Variants in DUSP29 observed in about 807,000 individuals in gnomAD.
The protein encoded by DUSP29 is dual specificity phosphatase 29.
A neutral mutation model predicts 13.5 loss-of-function variants in DUSP29; 12 were observed. That is an observed-to-expected ratio of 0.89 (90% CI 0.57 to 1.44). The LOEUF (loss-of-function observed/expected upper bound fraction) is 1.44, where lower values mean the gene tolerates loss of function less well. Ranked by LOEUF, DUSP29 falls within the 40% of genes most tolerant of loss-of-function variation. DUSP29 has a pLI of 0.00. For missense variants in DUSP29, 308 were observed against 301.1 expected (o/e 1.02, Z -0.17); for synonymous variants, 134 against 128.7 (o/e 1.04, Z -0.28).
intron 2 of DUSP29, among the ~76,000 whole-genome samples, chr10:75,046,253 G>T (rs1211164479): frequency 6.6e-6 from 1 of 152,222 alleles, no homozygotes; most frequent in Non-Finnish European, 1.5e-5. Context: ...ATACAATCTG[G>T]GTTTAAGAAG....
intron 1 of DUSP29, among the ~76,000 whole-genome samples, chr10:75,063,293 G>A (rs1336033364): frequency 6.6e-6 from 1 of 152,100 alleles, no homozygotes; most frequent in African/African-American, 2.4e-5. Flanking sequence ...TGCTATTCTT[G>A]CCCTGTTACA....
chr10:75,047,721 TTAAA>T (rs933952628), intron 2 of DUSP29, among the ~76,000 whole-genome samples: 1 of 152,212 alleles, frequency 6.6e-6, no homozygotes, highest in Non-Finnish European at 1.5e-5. Flanking sequence ...TGTTCAATTT[TTAAA>T]TAATATGTCG....
chr10:75,056,559 C>T, intron 2 of DUSP29, among the ~76,000 whole-genome samples: 2 of 151,188 alleles, frequency 1.3e-5, no homozygotes, highest in East Asian at 3.9e-4. Context: ...CCCAGCTACT[C>T]AGGAGGCTGA....
intron 2 of DUSP29, among the ~76,000 whole-genome samples, chr10:75,052,585 G>C (rs1389964660): frequency 6.6e-6 from 1 of 152,156 alleles, no homozygotes; most frequent in African/African-American, 2.4e-5. Context: ...GGGATTACAG[G>C]CGTGAGCCAA....
At chr10:75,056,882 C>A (rs1194739561) in intron 2 of DUSP29, among the ~76,000 whole-genome samples, 1 of 152,002 alleles carries the variant, frequency 6.6e-6, no homozygotes, top group African/African-American at 2.4e-5. Flanking sequence ...GTAACTTTTT[C>A]AATTTAAAAA....
chr10:75,053,967 C>T (rs1454494435), intron 2 of DUSP29, among the ~76,000 whole-genome samples: 2 of 152,154 alleles, frequency 1.3e-5, no homozygotes, highest in Non-Finnish European at 2.9e-5. Flanking sequence ...TAGCACAAGG[C>T]ATGACACCTA....
rs541600241 is a variant in DUSP29 at position 75,059,394 on chromosome 10, G to A, written c.-34-846C>T. On this transcript the variant is annotated intron_variant, in intron 1 of 3. Transcript: ENST00000338487. ...ATGCACCTATGGTCAGCCTGGGAAA[G>A]GAGACTGGAGAGAAGGAGGAAAAGG... Among the ~76,000 whole-genome samples the A allele has an allele frequency of 2.6e-5, 4 of 152,340 alleles. No individual in the cohort carries two copies. The South Asian group carries it at 8.3e-4, about 32-fold the overall frequency.
chr10:75,055,288 ACT>A (rs1349001520), intron 2 of DUSP29, among the ~76,000 whole-genome samples: 1 of 151,584 alleles, frequency 6.6e-6, no homozygotes. Context: ...CATTATTGCT[ACT>A]CTTATTTCTG....
chr10:75,038,699 T>C (rs1262839476), intron 3 of DUSP29, among the ~76,000 whole-genome samples: 1 of 69,528 alleles, frequency 1.4e-5, no homozygotes, highest in African/African-American at 5.8e-5. Context: ...GAGAAAGAGT[T>C]GGAAGGGAGA....
At chr10:75,069,083 T>C (rs1358597741) in intron 1 of DUSP29, among the ~76,000 whole-genome samples, 2 of 152,220 alleles carry the variant, frequency 1.3e-5, no homozygotes, top group Non-Finnish European at 2.9e-5. Flanking sequence ...AGTAATTTAA[T>C]ATTCCTTCTC....
chr10:75,043,914 G>T lies in DUSP29; in HGVS notation c.304C>A (p.Arg102Ser). Residue 102 changes from arginine (R) to serine (S), a missense_variant, in exon 3 of 4, where the codon CGC becomes AGC. Physicochemically the swap from Arg to Ser is moderately radical, Grantham distance 110. Coordinates refer to ENST00000338487, the MANE Select transcript of DUSP29 (RefSeq NM_001003892.3). ...CCGTGGTACTGGATGTCCATGTCGC[G>T]GTAGTAGTCGGGCCCAGTGTCCACG... is the stretch of plus-strand genomic sequence containing the variant. ...WNVDTGPDYY[R>S]DMDIQYHGVE... The T allele has an allele frequency of 6.2e-7, 1 of 1,613,968 alleles. No individual in the cohort carries two copies. Among genetic ancestry groups the T allele is most frequent in the Non-Finnish European group, 8.5e-7 (1 of 1,179,944 alleles).
At chr10:75,045,770 T>A (rs531116540) in intron 2 of DUSP29, among the ~76,000 whole-genome samples, 3 of 152,182 alleles carry the variant, frequency 2.0e-5, no homozygotes, top group Non-Finnish European at 4.4e-5. Flanking sequence ...GTGGTGGAAG[T>A]CTGCTAGAGG....
At position 75,058,299 on chromosome 10, in the gene DUSP29, G is replaced by C; in HGVS notation, c.200+16C>G. The C allele has an allele frequency of 6.2e-7, 1 of 1,603,268 alleles. No individual in the cohort carries two copies. Among genetic ancestry groups the C allele is most frequent in the Non-Finnish European group, 8.5e-7 (1 of 1,172,278 alleles). ...CTGCTGCCTGCTCCCAAGCGAGCCTGGGCCTGGGCACTTACTCATCGCCAA... is the reference window on the plus strand; with the variant it reads ...CTGCTGCCTGCTCCCAAGCGAGCCTCGGCCTGGGCACTTACTCATCGCCAA... On this transcript the variant is annotated intron_variant, in intron 2 of 3. Transcript: ENST00000338487.
chr10:75,070,083 A>T (rs1482293431), intron 1 of DUSP29, among the ~76,000 whole-genome samples: 460 of 12,312 alleles, frequency 0.037, 11 homozygotes, highest in African/African-American at 0.2. Flanking sequence ...GGAAGGAAGG[A>T]AGGAAGGAAG....
intron 1 of DUSP29, among the ~76,000 whole-genome samples, chr10:75,069,484 G>A (rs1847275287): frequency 6.6e-6 from 1 of 152,172 alleles, no homozygotes; most frequent in Admixed American, 6.5e-5. Flanking sequence ...CCTTGTTCGG[G>A]GAAGGGCAAG....
At chr10:75,058,624 G>A in intron 1 of DUSP29, 76 bp from the exon 2 acceptor site, 2 of 1,236,306 alleles carry the variant, frequency 1.6e-6, no homozygotes, top group Middle Eastern at 2.2e-4. Flanking sequence ...AAAAAGAGGT[G>A]GGAATAAGCT....
At chr10:75,048,008 A>G (rs2134286762) in intron 2 of DUSP29, among the ~76,000 whole-genome samples, 1 of 152,336 alleles carries the variant, frequency 6.6e-6, no homozygotes, top group East Asian at 1.9e-4. Context: ...CAATAACTGC[A>G]TGCTATTTCA....
In DUSP29 at chr10:75,069,972, C is replaced by G. The variant is rs564731900; in HGVS notation, c.-35+3597G>C. Among the ~76,000 whole-genome samples, 66 of 151,634 alleles carry G rather than the reference C, an allele frequency of 4.4e-4. 1 individual carries two copies. The highest frequency in any genetic ancestry group is 8.0e-4 in the Non-Finnish European group (54 of 67,880). ...GGCTGAGGTATGAGAATCACTTGAA[C>G]CCAGGAGGTGGAGGTTGCTGTGAGC... On this transcript the variant is annotated intron_variant, in intron 1 of 3. Transcript: ENST00000338487.
intron 2 of DUSP29, among the ~76,000 whole-genome samples, chr10:75,045,222 C>T (rs7904647): frequency 0.32 from 48,790 of 152,082 alleles, 13,886 homozygotes; most frequent in African/African-American, 0.75. Flanking sequence ...AAACAAAAAA[C>T]AGCCAGGTGT....
Sources: allele counts gnomAD v4.1 joint callset (sites outside exome capture counted in the v4.1 genomes callset), GRCh38; gene constraint gnomAD v4.1.1; transcripts MANE v1.5; gene names NCBI Gene and HGNC (gene_info 2026-07-23, HGNC 2026-07-21).